IL1RAPL1: variants seen among roughly 807,000 people sequenced by gnomAD.
IL1RAPL1 encodes the protein interleukin 1 receptor accessory protein like 1, also known as interleukin-1 receptor accessory protein-like 1.
In IL1RAPL1, 3 loss-of-function variants were observed where a neutral mutation model predicts 48.4. The observed-to-expected ratio is 0.06, with a 90% confidence interval of 0.03 to 0.16. IL1RAPL1 has a LOEUF of 0.16. IL1RAPL1 is among the 10% of genes least tolerant of loss of function. The pLI is 1.00. For synonymous variants in IL1RAPL1, 185 were observed against 187.7 expected (o/e 0.99, Z 0.12); for missense variants, 349 against 530.6 (o/e 0.66, Z 3.36).
chrX:29,186,266 G>T (rs1023837844), intron 2 of IL1RAPL1, among the ~76,000 whole-genome samples: 2 of 111,850 alleles, frequency 1.8e-5, no homozygotes, highest in Non-Finnish European at 3.8e-5. Context: ...TATGAAAAAT[G>T]ATGTAATTGG....
At chrX:29,287,953 T>C (rs1166629067) in intron 3 of IL1RAPL1, among the ~76,000 whole-genome samples, 1 of 111,507 alleles carries the variant, frequency 9.0e-6, no homozygotes, top group East Asian at 2.8e-4. Flanking sequence ...ATGCTTTTGG[T>C]GTGAAGTCTA....
chrX:28,749,176 T>C (rs1465711455), intron 1 of IL1RAPL1, among the ~76,000 whole-genome samples: 3 of 112,221 alleles, frequency 2.7e-5, no homozygotes, highest in Non-Finnish European at 5.6e-5. Context: ...TTAGGCATTT[T>C]GGTTGATTCC....
intron 6 of IL1RAPL1, among the ~76,000 whole-genome samples, chrX:29,786,025 C>CGG (rs1256391876): frequency 3.0e-4 from 3 of 10,159 alleles, no homozygotes; most frequent in African/African-American, 6.2e-4. Flanking sequence ...AAAAGGCGGG[C>CGG]GGGGGGGTGG....
chrX:29,449,472 T>C (rs1252896550), intron 5 of IL1RAPL1, among the ~76,000 whole-genome samples: 1 of 110,835 alleles, frequency 9.0e-6, no homozygotes, highest in African/African-American at 3.3e-5. Flanking sequence ...GGTGTGGGTG[T>C]ACTGTTCTAG....
chrX:29,606,680 C>T (rs1441181965), intron 5 of IL1RAPL1, among the ~76,000 whole-genome samples: 3 of 111,930 alleles, frequency 2.7e-5, no homozygotes, highest in Non-Finnish European at 5.6e-5. Flanking sequence ...CATTTATTTT[C>T]AGAGTAAATT....
At chrX:29,364,499 G>GT (rs1457252861) in intron 3 of IL1RAPL1, among the ~76,000 whole-genome samples, 1 of 103,624 alleles carries the variant, frequency 9.7e-6, no homozygotes, top group East Asian at 3.0e-4. Context: ...GGAGGTGGAG[G>GT]TTGCAGTGAG....
intron 5 of IL1RAPL1, among the ~76,000 whole-genome samples, chrX:29,639,197 A>AAAC (rs1925080968): frequency 8.9e-6 from 1 of 111,988 alleles, no homozygotes; most frequent in African/African-American, 3.2e-5. Context: ...AAAAAAAAAA[A>AAAC]AAAACAGGTT....
chrX:29,196,212 A>G, intron 2 of IL1RAPL1, among the ~76,000 whole-genome samples: 1 of 112,414 alleles, frequency 8.9e-6, no homozygotes, highest in South Asian at 3.7e-4. Flanking sequence ...AGGTGGAAGC[A>G]CTTACAACTA....
intron 2 of IL1RAPL1, among the ~76,000 whole-genome samples, chrX:28,839,292 G>C (rs1921304515): frequency 9.1e-6 from 1 of 110,496 alleles, no homozygotes. Flanking sequence ...ACCAAACTGT[G>C]GTGGACAGAA....
At chrX:29,280,965 GA>G (rs1474241272) in intron 2 of IL1RAPL1, among the ~76,000 whole-genome samples, 2 of 112,136 alleles carry the variant, frequency 1.8e-5, no homozygotes, top group African/African-American at 6.5e-5. Context: ...AATAGTAAAT[GA>G]AAGTTTATAG....
chrX:29,934,794 T>A (rs750694179), intron 8 of IL1RAPL1, among the ~76,000 whole-genome samples: 108 of 112,150 alleles, frequency 9.6e-4, no homozygotes, highest in African/African-American at 3.3e-3. Flanking sequence ...AAGAATTTTT[T>A]ATGTAACCAG....
At chrX:29,432,689 G>A (rs943467028) in intron 5 of IL1RAPL1, among the ~76,000 whole-genome samples, 2 of 111,646 alleles carry the variant, frequency 1.8e-5, no homozygotes, top group African/African-American at 6.5e-5. Flanking sequence ...GATAAGTGGA[G>A]AGATTTTTTA....
At chrX:29,478,803 T>C (rs775574188) in intron 5 of IL1RAPL1, among the ~76,000 whole-genome samples, 4 of 110,405 alleles carry the variant, frequency 3.6e-5, no homozygotes, top group South Asian at 3.9e-4. Flanking sequence ...TAGAGCTCCA[T>C]GCAGTTCACA....
At chrX:28,645,601 T>C (rs759855952) in intron 1 of IL1RAPL1, among the ~76,000 whole-genome samples, 120 of 110,505 alleles carry the variant, frequency 1.1e-3, no homozygotes, top group African/African-American at 3.9e-3. Flanking sequence ...AATACTGCTT[T>C]GGGAAAGGTA....
chrX:29,682,067 T>A (rs922190900), intron 6 of IL1RAPL1, among the ~76,000 whole-genome samples: 7 of 112,005 alleles, frequency 6.2e-5, no homozygotes, highest in Non-Finnish European at 1.1e-4. Context: ...CCTATTAGTA[T>A]GTACAATTAT....
chrX:29,954,129 G>T (rs1433837963), intron 9 of IL1RAPL1, among the ~76,000 whole-genome samples: 2 of 106,337 alleles, frequency 1.9e-5, no homozygotes, highest in Admixed American at 1.0e-4. Flanking sequence ...CCAGCTACTC[G>T]GGAGGTTGAG....
intron 1 of IL1RAPL1, among the ~76,000 whole-genome samples, chrX:28,636,747 A>T (rs1934470336): frequency 9.0e-6 from 1 of 111,645 alleles, no homozygotes; most frequent in South Asian, 3.7e-4. Flanking sequence ...CTGGGGTCAA[A>T]ATCCTTCCAA....
chrX:28,722,498 C>T (rs1358780392), intron 1 of IL1RAPL1, among the ~76,000 whole-genome samples: 14 of 111,482 alleles, frequency 1.3e-4, no homozygotes, highest in Admixed American at 5.7e-4. Context: ...TGGGCTGAGA[C>T]GATGGGGTTT....
intron 2 of IL1RAPL1, among the ~76,000 whole-genome samples, chrX:28,978,869 A>C (rs2147373333): frequency 8.9e-6 from 1 of 111,995 alleles, no homozygotes; most frequent in East Asian, 2.8e-4. Flanking sequence ...AAGAGAAGTG[A>C]TGCCACGAAG....
Sources: allele counts gnomAD v4.1 joint callset (sites outside exome capture counted in the v4.1 genomes callset), GRCh38; gene constraint gnomAD v4.1.1; transcripts MANE v1.5; gene names NCBI Gene and HGNC (gene_info 2026-07-23, HGNC 2026-07-21).